SLIT3: variants seen among roughly 807,000 people sequenced by gnomAD.
The protein encoded by SLIT3 is slit guidance ligand 3.
A neutral mutation model predicts 184.0 loss-of-function variants in SLIT3; 68 were observed. That is an observed-to-expected ratio of 0.37 (90% CI 0.30 to 0.45). The LOEUF is 0.45. Among genes scored for constraint, SLIT3 ranks in the 20% least tolerant of loss-of-function variants. The probability of loss-of-function intolerance (pLI) is 1.00; values close to 1 mark genes in which losing one functional copy is unlikely to be tolerated. For synonymous variants in SLIT3, 831 were observed against 828.6 expected (o/e 1.00, Z -0.05); for missense variants, 1,707 against 2,026.0 (o/e 0.84, Z 3.02).
intron 4 of SLIT3, among the ~76,000 whole-genome samples, chr5:169,106,052 G>A (rs150420697): frequency 6.9e-6 from 1 of 145,182 alleles, no homozygotes; most frequent in African/African-American, 2.5e-5. Flanking sequence ...AGCCTGTTGG[G>A]GGGGCAGGGG....
At chr5:168,753,502 G>A (rs1754788759) in intron 17 of SLIT3, among the ~76,000 whole-genome samples, 2 of 152,208 alleles carry the variant, frequency 1.3e-5, no homozygotes, top group South Asian at 2.1e-4. Context: ...TGTTGCACGT[G>A]TCTGCATATA....
chr5:169,104,378 C>A (rs1760124417), intron 4 of SLIT3, among the ~76,000 whole-genome samples: 1 of 152,226 alleles, frequency 6.6e-6, no homozygotes, highest in Non-Finnish European at 1.5e-5. Flanking sequence ...TCAGCTCAAT[C>A]ACATTTTCCA....
At chr5:169,194,275 A>G (rs2113472548) in intron 3 of SLIT3, among the ~76,000 whole-genome samples, 3 of 149,122 alleles carry the variant, frequency 2.0e-5, no homozygotes, top group Non-Finnish European at 4.5e-5. Flanking sequence ...AGAAAAAGAA[A>G]CCTTAAATGA....
chr5:169,254,471 C>T (rs1225059912), intron 1 of SLIT3, among the ~76,000 whole-genome samples: 3 of 151,094 alleles, frequency 2.0e-5, no homozygotes, highest in African/African-American at 4.9e-5. Context: ...ACATGTCTGC[C>T]ATTTCTTTCT....
chr5:169,051,288 T>G (rs750103935), intron 4 of SLIT3, among the ~76,000 whole-genome samples: 3 of 149,394 alleles, frequency 2.0e-5, no homozygotes, highest in East Asian at 2.0e-4. Context: ...TTTCTAGCCT[T>G]TTTTTTTTTC....
At chr5:169,127,781 A>T (rs1015078661) in intron 4 of SLIT3, among the ~76,000 whole-genome samples, 5 of 152,198 alleles carry the variant, frequency 3.3e-5, no homozygotes, top group African/African-American at 1.2e-4. Flanking sequence ...AAGTTCAGAG[A>T]GCAAACAGTG....
rs144062745 is a variant in SLIT3, at chr5:168,744,317, C to G, written c.2270+3985G>C. 3.0e-3 allele frequency among the ~76,000 whole-genome samples: 456 copies of G among 152,198 alleles called. 6 individuals are homozygous for G. Among genetic ancestry groups the G allele is most frequent in the African/African-American group, 0.011 (442 of 41,524 alleles). On this transcript the variant is annotated intron_variant, in intron 20 of 35. Transcript: ENST00000519560. ...ACAAAACGAAACAAAACAAAAGAAG[C>G]TATCTTCATAACAGGAAAGTGTAAA...
intron 4 of SLIT3, among the ~76,000 whole-genome samples, chr5:169,016,734 T>A (rs1348356221): frequency 6.6e-6 from 1 of 152,244 alleles, no homozygotes; most frequent in Non-Finnish European, 1.5e-5. Context: ...ACCTCAGCTT[T>A]TTCATCTATG....
intron 6 of SLIT3, among the ~76,000 whole-genome samples, chr5:168,836,986 C>CT (rs900485476): frequency 5.9e-5 from 9 of 152,018 alleles, no homozygotes; most frequent in African/African-American, 2.2e-4. Context: ...GTAATTTTTA[C>CT]TTTTTCCTTA....
intron 12 of SLIT3, among the ~76,000 whole-genome samples, chr5:168,778,875 G>A (rs1282927324): frequency 6.6e-6 from 1 of 152,236 alleles, no homozygotes; most frequent in African/African-American, 2.4e-5. Context: ...AGGCTGGACT[G>A]CCTGGTGAAT....
At chr5:169,109,514 T>A (rs190916) in intron 4 of SLIT3, among the ~76,000 whole-genome samples, 8 of 152,234 alleles carry the variant, frequency 5.3e-5, no homozygotes, top group African/African-American at 1.9e-4. Context: ...TCCTGACACA[T>A]AGAAATGTGA....
intron 4 of SLIT3, among the ~76,000 whole-genome samples, chr5:168,889,720 G>A (rs572071658): frequency 1.3e-5 from 2 of 152,350 alleles, no homozygotes; most frequent in South Asian, 2.1e-4. Context: ...CACTATGGTT[G>A]AAGTTGAGAT....
chr5:169,085,123 GTTTC>G (rs1313122521), intron 4 of SLIT3, among the ~76,000 whole-genome samples: 1 of 152,176 alleles, frequency 6.6e-6, no homozygotes, highest in Non-Finnish European at 1.5e-5. Flanking sequence ...TAGACTCCAG[GTTTC>G]TTTCTTTCTT....
intron 16 of SLIT3, among the ~76,000 whole-genome samples, chr5:168,760,178 G>C (rs1041225034): frequency 6.6e-6 from 1 of 152,226 alleles, no homozygotes; most frequent in Non-Finnish European, 1.5e-5. Context: ...GTGAGACAAT[G>C]GGTGTGACGC....
intron 4 of SLIT3, among the ~76,000 whole-genome samples, chr5:168,921,276 T>C (rs1761627194): frequency 6.6e-6 from 1 of 152,178 alleles, no homozygotes; most frequent in Non-Finnish European, 1.5e-5. Context: ...CCTGAATACT[T>C]TACTTCTCTC....
At chr5:169,045,349 G>T (rs1757590395) in intron 4 of SLIT3, among the ~76,000 whole-genome samples, 2 of 150,576 alleles carry the variant, frequency 1.3e-5, no homozygotes, top group Non-Finnish European at 1.5e-5. Context: ...AATCCTCTGA[G>T]TTGCTGCTTC....
chr5:168,872,206 T>C (rs1759546923), intron 5 of SLIT3, among the ~76,000 whole-genome samples: 1 of 152,186 alleles, frequency 6.6e-6, no homozygotes, highest in Admixed American at 6.5e-5. Flanking sequence ...AGAATTTACC[T>C]GCATGATTAA....
chr5:169,212,636 A>G (rs762112706), intron 3 of SLIT3, among the ~76,000 whole-genome samples: 32 of 152,228 alleles, frequency 2.1e-4, no homozygotes, highest in Non-Finnish European at 1.6e-4. Flanking sequence ...CCATTTGTCA[A>G]TTTTGGCTTT....
intron 4 of SLIT3, among the ~76,000 whole-genome samples, chr5:168,997,204 G>T (rs1755543116): frequency 6.6e-6 from 1 of 152,110 alleles, no homozygotes; most frequent in African/African-American, 2.4e-5. Context: ...GGTCTCCTGA[G>T]AGGTCACACT....
Sources: allele counts gnomAD v4.1 joint callset (sites outside exome capture counted in the v4.1 genomes callset), GRCh38; gene constraint gnomAD v4.1.1; transcripts MANE v1.5; gene names NCBI Gene and HGNC (gene_info 2026-07-23, HGNC 2026-07-21).